The following TRIM44 variants were observed in gnomAD, a reference collection of about 807,000 sequenced individuals.
TRIM44 encodes tripartite motif-containing protein 44.
Under a neutral mutation model 37.4 loss-of-function variants are expected in TRIM44, and 13 were observed. The observed-to-expected ratio is 0.35, with a 90% CI of 0.23 to 0.55. The LOEUF (loss-of-function observed/expected upper bound fraction) is 0.55. Ranked by LOEUF, TRIM44 falls within the 20% of genes least tolerant of loss-of-function variation. The pLI is 0.89. For synonymous variants in TRIM44, 175 were observed against 157.2 expected (o/e 1.11, Z -0.85); for missense variants, 426 against 437.2 (o/e 0.97, Z 0.23).
intron 4 of TRIM44, among the ~76,000 whole-genome samples, chr11:35,736,810 C>T (rs1179403503): frequency 2.0e-5 from 3 of 152,220 alleles, no homozygotes; most frequent in African/African-American, 4.8e-5. Flanking sequence ...TTCTCAGGAA[C>T]AGGCTCCTTC....
rs1853590017 is a variant in TRIM44 at position 35,817,018 on chromosome 11, G to A, written c.*10633G>A. The A allele has an allele frequency of 1.3e-5, 2 of 152,082 alleles. No individual in the cohort carries two copies. Among genetic ancestry groups the A allele is most frequent in the African/African-American group, 4.8e-5 (2 of 41,396 alleles). 9.4% of individuals were successfully genotyped at this position (152,082 alleles called of 1,614,324 possible). A position where few individuals can be genotyped will look rare whatever the true frequency, so the allele number is the denominator to read the frequency against. ...CTCAAATTACCGTATGTATTTACTT[G>A]TTCATAAGGTTGATGTCTGTAACTC... On this transcript the variant is annotated 3_prime_UTR_variant, in exon 5 of 5. Transcript: ENST00000299413.
rs912518703 is a variant in TRIM44 at position 35,663,286 on chromosome 11, G to C, written c.175G>C (p.Glu59Gln). ...RQKFLSHHLA[E>Q]YVHGSQAWTP... Reference sequence around the variant, plus strand: ...GAAGTTCCTCAGTCACCATCTGGCCGAATACGTCCACGGCTCCCAGGCCTG... The same window carrying C: ...GAAGTTCCTCAGTCACCATCTGGCCCAATACGTCCACGGCTCCCAGGCCTG... Residue 59 changes from glutamate to glutamine, a missense_variant, in exon 1 of 5, where the codon GAA (glutamate) becomes CAA (glutamine). Glu to Gln is a conservative substitution (Grantham distance 29, BLOSUM62 2). Coordinates refer to ENST00000299413, the MANE Select transcript of TRIM44 (RefSeq NM_017583.6). 5 of 1,613,942 alleles carry C rather than the reference G, an allele frequency of 3.1e-6. No individual in the cohort carries two copies. The Admixed American group carries it at 5.0e-5, about 16-fold the overall frequency.
At chr11:35,803,652 C>T (rs1213601696) in intron 4 of TRIM44, among the ~76,000 whole-genome samples, 3 of 152,088 alleles carry the variant, frequency 2.0e-5, no homozygotes, top group Non-Finnish European at 2.9e-5. Context: ...ACCCGGGAGG[C>T]GGAGATTACA....
At position 35,663,737 on chromosome 11, in the gene TRIM44, G is replaced by A. The variant is rs748782411; in HGVS notation, c.626G>A (p.Gly209Asp). 1.2e-6 allele frequency: 2 copies of A among 1,614,042 alleles called. No homozygotes were observed. The highest frequency in any genetic ancestry group is 1.7e-6 in the Non-Finnish European group (2 of 1,180,026). ...TGTCCAGTCATTGGGGCTCACCAGG[G>A]CCACCAACTCTCCACCCTAGACGAA... ...VLCPVIGAHQGHQLSTLDEAF... is the reference protein window; with the variant it reads ...VLCPVIGAHQDHQLSTLDEAF... The change falls in exon 1 of 5, where the codon GGC becomes GAC. Residue 209 changes from glycine to aspartate, a missense_variant. Transcript: ENST00000299413.
intron 4 of TRIM44, among the ~76,000 whole-genome samples, chr11:35,782,857 A>G (rs1428528560): frequency 1.3e-5 from 2 of 152,214 alleles, no homozygotes; most frequent in Non-Finnish European, 2.9e-5. Context: ...AAGTCAGCCA[A>G]TCAGTAGTAT....
chr11:35,723,864 T>C (rs759004205), intron 2 of TRIM44, among the ~76,000 whole-genome samples: 3 of 152,176 alleles, frequency 2.0e-5, no homozygotes, highest in Admixed American at 6.5e-5. Context: ...ACCTAGTCAT[T>C]TGAGACTCAA....
At chr11:35,674,230 ATTTG>A (rs1203618905) in intron 1 of TRIM44, among the ~76,000 whole-genome samples, 2 of 113,632 alleles carry the variant, frequency 1.8e-5, no homozygotes, top group East Asian at 2.9e-4. Flanking sequence ...GAGAGAGAGA[ATTTG>A]CGTGTGTGTG....
At chr11:35,755,161 C>T (rs567990642) in intron 4 of TRIM44, among the ~76,000 whole-genome samples, 2 of 152,326 alleles carry the variant, frequency 1.3e-5, no homozygotes, top group South Asian at 2.1e-4. Context: ...TCCTCTCCAG[C>T]ACCTGTTGTT....
rs182153506 is a variant in TRIM44 at position 35,733,759 on chromosome 11, A to G, written c.988-1667A>G. On this transcript the variant is annotated intron_variant, in intron 3 of 4. Coordinates refer to ENST00000299413, the MANE Select transcript of TRIM44 (RefSeq NM_017583.6). Reference sequence around the variant, plus strand: ...TTACCTCAGTCACGCTCAACCCCACATTGCCCTCAGTTCCAACCTTATACC... The same window carrying G: ...TTACCTCAGTCACGCTCAACCCCACGTTGCCCTCAGTTCCAACCTTATACC... 6.8e-3 allele frequency among the ~76,000 whole-genome samples: 1,041 copies of G among 152,012 alleles called. 10 individuals carry two copies. The highest frequency in any genetic ancestry group is 0.021 in the African/African-American group (886 of 41,448).
intron 2 of TRIM44, among the ~76,000 whole-genome samples, chr11:35,722,231 CA>C (rs1224771506): frequency 6.6e-6 from 1 of 152,188 alleles, no homozygotes; most frequent in African/African-American, 2.4e-5. Flanking sequence ...TTAGAGTCTT[CA>C]AACTCTATTT....
chr11:35,720,007 G>A (rs760675003), intron 2 of TRIM44, among the ~76,000 whole-genome samples: 8 of 151,996 alleles, frequency 5.3e-5, no homozygotes, highest in Middle Eastern at 3.2e-3. Context: ...TTCAATATTG[G>A]GTTGACTGTT....
chr11:35,697,076 T>A (rs1851711742), intron 2 of TRIM44, among the ~76,000 whole-genome samples: 1 of 152,116 alleles, frequency 6.6e-6, no homozygotes, highest in Non-Finnish European at 1.5e-5. Flanking sequence ...CTTTTTTTTT[T>A]ATTATACTTT....
rs990191844 is a variant in TRIM44, at chr11:35,671,963, T to C, written c.669+8183T>C. On this transcript the variant is annotated intron_variant, in intron 1 of 4. Coordinates refer to ENST00000299413, the MANE Select transcript of TRIM44 (RefSeq NM_017583.6). ...GACTTGTCATCTCAGATATGTGGGA[T>C]TCTCTTACTCTGACCATAATTTCTA... 2.0e-4 allele frequency among the ~76,000 whole-genome samples: 31 copies of C among 152,184 alleles called. 1 individual carries two copies. The highest frequency in any genetic ancestry group is 6.8e-4 in the African/African-American group (28 of 41,442).
Position 35,806,767 on chromosome 11 carries a change from G to A in TRIM44, c.*382G>A, listed in dbSNP as rs1853457228. ...GGAATAATCTTGAAGGGAAGTCAGA[G>A]TTTTCTCCCTGCCTATTAACAAAAA... is the stretch of plus-strand genomic sequence containing the variant. On this transcript the variant is annotated 3_prime_UTR_variant, in exon 5 of 5. Transcript: ENST00000299413. 1.1e-5 allele frequency: 2 copies of A among 184,258 alleles called. No homozygotes were observed. The highest frequency in any genetic ancestry group is 2.3e-5 in the Non-Finnish European group (2 of 88,050). 11.4% of individuals were successfully genotyped at this position (184,258 alleles called of 1,614,324 possible).
At chr11:35,749,763 C>G (rs1852539225) in intron 4 of TRIM44, among the ~76,000 whole-genome samples, 1 of 152,176 alleles carries the variant, frequency 6.6e-6, no homozygotes, top group African/African-American at 2.4e-5. Flanking sequence ...AGAGGTTTGA[C>G]AAACTAATAA....
chr11:35,749,687 C>A (rs899498375), intron 4 of TRIM44, among the ~76,000 whole-genome samples: 3 of 152,190 alleles, frequency 2.0e-5, no homozygotes, highest in Admixed American at 2.0e-4. Context: ...CATCCTAAAA[C>A]AAACAAACAG....
rs569253860 is a variant in TRIM44, at chr11:35,717,564, G to A, written c.748-8360G>A. Among the ~76,000 whole-genome samples the A allele has an allele frequency of 6.6e-5, 10 of 152,256 alleles. No individual in the cohort carries two copies. In the South Asian group the frequency reaches 2.1e-3, roughly 32 times the overall value. ...ATTTGAGTAATAATAAAACTCTGGT[G>A]TCCTGTTCAGCCAGCTCTGCGTGCA... On this transcript the variant is annotated intron_variant, in intron 2 of 4. Coordinates refer to ENST00000299413, the MANE Select transcript of TRIM44 (RefSeq NM_017583.6).
At chr11:35,750,968 A>C (rs1477217249) in intron 4 of TRIM44, among the ~76,000 whole-genome samples, 2 of 145,502 alleles carry the variant, frequency 1.4e-5, no homozygotes, top group Non-Finnish European at 3.1e-5. Flanking sequence ...ACATAATTCC[A>C]TTTAAAAAAT....
intron 2 of TRIM44, among the ~76,000 whole-genome samples, chr11:35,716,323 C>T (rs1332846047): frequency 6.6e-6 from 1 of 151,806 alleles, no homozygotes; most frequent in Non-Finnish European, 1.5e-5. Flanking sequence ...CTCAAGAGTT[C>T]TTTGTGACTT....
Sources: gnomAD v4.1 joint callset for allele counts (sites outside exome capture counted in the v4.1 genomes callset) on GRCh38, gnomAD v4.1.1 for gene constraint, MANE v1.5 for transcripts, NCBI Gene and HGNC (gene_info 2026-07-23, HGNC 2026-07-21) for gene names.